ADPGK: variants seen among roughly 807,000 people sequenced by gnomAD.
ADPGK encodes the protein ADP dependent glucokinase, also known as ADP-dependent glucokinase.
Under a neutral mutation model 42.4 loss-of-function variants are expected in ADPGK, and 26 were observed. The observed-to-expected ratio is 0.61, with a 90% CI of 0.45 to 0.85. The LOEUF is 0.85. ADPGK is among the 40% of genes least tolerant of loss of function. The pLI, the probability that ADPGK is intolerant of heterozygous loss-of-function variation, is 0.00. For missense variants in ADPGK, 571 were observed against 627.0 expected, an observed-to-expected ratio of 0.91 and a Z score of 0.95; for synonymous variants, 267 against 252.6, an observed-to-expected ratio of 1.06 and a Z score of -0.54.
rs1453502695 is a variant in ADPGK, at chr15:72,783,673, A to G, written c.19T>C (p.Ser7Pro). 1 of 1,502,030 alleles carries G rather than the reference A, an allele frequency of 6.7e-7. No homozygotes were observed. The highest frequency in any genetic ancestry group is 8.8e-7 in the Non-Finnish European group (1 of 1,132,458). 93.0% of individuals were successfully genotyped at this position (1,502,030 alleles called of 1,614,324 possible). ...AGCGCCAGGAAGCCCGCGTACGCGG[A>G]GCCGCGCCACAGCGCCATGGGGACC... MALWRG[S>P]AYAGFLALAV... The change falls in exon 1 of 7, where the codon TCC becomes CCC. Residue 7 changes from serine to proline, a missense_variant. This residue lies in a region of ADPGK where 137 missense variants were observed against 104.2 expected (regional missense o/e 1.31). Transcript: ENST00000456471.
chr15:72,776,638 G>C (rs1447284794), intron 1 of ADPGK, among the ~76,000 whole-genome samples: 2 of 152,112 alleles, frequency 1.3e-5, no homozygotes, highest in African/African-American at 4.8e-5. Context: ...TTTTTAAAAT[G>C]ACATAACTTT....
chr15:72,765,307 C>T (rs1281554636), intron 3 of ADPGK, among the ~76,000 whole-genome samples: 1 of 152,110 alleles, frequency 6.6e-6, no homozygotes, highest in Non-Finnish European at 1.5e-5. Context: ...CACCACCACA[C>T]CTGGCTAGTT....
intron 1 of ADPGK, chr15:72,783,140 A>T (rs1488500495): frequency 9.2e-6 from 9 of 980,922 alleles, no homozygotes; most frequent in Non-Finnish European, 1.1e-5. Flanking sequence ...TTGCAAAACA[A>T]CAGTCGCCAG....
At chr15:72,766,648 G>A (rs142336036) in intron 3 of ADPGK, among the ~76,000 whole-genome samples, 8 of 152,192 alleles carry the variant, frequency 5.3e-5, no homozygotes, top group Non-Finnish European at 1.0e-4. Context: ...AAATTCATGC[G>A]TTTTATTTTA....
At chr15:72,773,733 T>C (rs2066355753) in intron 2 of ADPGK, among the ~76,000 whole-genome samples, 1 of 152,248 alleles carries the variant, frequency 6.6e-6, no homozygotes, top group Non-Finnish European at 1.5e-5. Flanking sequence ...TCATAAGAGA[T>C]AAGAATCTCA....
intron 1 of ADPGK, among the ~76,000 whole-genome samples, chr15:72,781,301 C>T (rs749039473): frequency 7.2e-5 from 11 of 152,116 alleles, no homozygotes; most frequent in Non-Finnish European, 1.6e-4. Context: ...TATGGCTTCC[C>T]CATAAAAGGC....
intron 4 of ADPGK, among the ~76,000 whole-genome samples, chr15:72,759,361 A>G (rs1364707354): frequency 6.6e-6 from 1 of 152,252 alleles, no homozygotes; most frequent in Non-Finnish European, 1.5e-5. Flanking sequence ...ACTAAAGCTG[A>G]GAAACTCAAA....
At chr15:72,760,596 C>T in intron 3 of ADPGK, 69 bp from the exon 4 acceptor site, 2 of 1,480,176 alleles carry the variant, frequency 1.4e-6, no homozygotes, top group Non-Finnish European at 1.8e-6. Flanking sequence ...AACAGCACCC[C>T]AGGACAGTAC....
chr15:72,758,917 G>A (rs1423082988), intron 4 of ADPGK, among the ~76,000 whole-genome samples: 2 of 152,166 alleles, frequency 1.3e-5, no homozygotes, highest in Admixed American at 1.3e-4. Flanking sequence ...CCAGTCCACA[G>A]TCAGGTCATT....
At chr15:72,768,794 A>T (rs1566957001) in intron 3 of ADPGK, among the ~76,000 whole-genome samples, 1 of 152,074 alleles carries the variant, frequency 6.6e-6, no homozygotes, top group Non-Finnish European at 1.5e-5. Context: ...ACATGGTGAA[A>T]CCTCAAGTCT....
At chr15:72,770,318 A>G (rs1420992854) in intron 3 of ADPGK, among the ~76,000 whole-genome samples, 1 of 152,212 alleles carries the variant, frequency 6.6e-6, no homozygotes, top group Non-Finnish European at 1.5e-5. Context: ...TTCCAATCAG[A>G]CTGGTCCCAG....
chr15:72,763,768 C>T (rs2066224535), intron 3 of ADPGK, among the ~76,000 whole-genome samples: 1 of 152,170 alleles, frequency 6.6e-6, no homozygotes. Context: ...TTTGTGGCAA[C>T]CCTGTGGTCC....
At chr15:72,780,379 G>C (rs951761220) in intron 1 of ADPGK, among the ~76,000 whole-genome samples, 10 of 152,130 alleles carry the variant, frequency 6.6e-5, no homozygotes, top group Non-Finnish European at 1.5e-5. Flanking sequence ...AACAGAATGG[G>C]GGAACCGCCC....
chr15:72,768,278 C>T (rs1464133543), intron 3 of ADPGK, among the ~76,000 whole-genome samples: 1 of 151,724 alleles, frequency 6.6e-6, no homozygotes, highest in Non-Finnish European at 1.5e-5. Flanking sequence ...TAAAATCTTC[C>T]TACAGAGAAA....
intron 3 of ADPGK, among the ~76,000 whole-genome samples, chr15:72,760,977 T>C (rs76132853): frequency 0.034 from 5,097 of 152,090 alleles, 264 homozygotes; most frequent in African/African-American, 0.12. Flanking sequence ...GGTGGCCTTA[T>C]AAGAAAAGAG....
intron 1 of ADPGK, 184 bp downstream of exon 1, chr15:72,783,275 C>G: frequency 8.0e-7 from 1 of 1,251,486 alleles, no homozygotes; most frequent in South Asian, 3.3e-5. Flanking sequence ...AGAGGCCAGC[C>G]GAGTGGAAAG....
At chr15:72,753,595 T>G (rs1474547501) in intron 6 of ADPGK, among the ~76,000 whole-genome samples, 1 of 152,238 alleles carries the variant, frequency 6.6e-6, no homozygotes, top group Non-Finnish European at 1.5e-5. Flanking sequence ...TCCTTGTATG[T>G]ATGTGTGCAT....
chr15:72,762,240 A>AG (rs1315059673), intron 3 of ADPGK, among the ~76,000 whole-genome samples: 2 of 151,832 alleles, frequency 1.3e-5, no homozygotes, highest in Non-Finnish European at 2.9e-5. Context: ...CGAACTCCTG[A>AG]GCTCAAGAGA....
At chr15:72,752,947 A>G (rs2066066925) in intron 6 of ADPGK, 52 bp from the exon 7 acceptor site, 3 of 1,526,056 alleles carry the variant, frequency 2.0e-6, no homozygotes, top group Non-Finnish European at 2.6e-6. Flanking sequence ...CTGGCTCCTA[A>G]GATGTCTTAT....
Sources: allele counts gnomAD v4.1 joint callset (sites outside exome capture counted in the v4.1 genomes callset), GRCh38; gene constraint gnomAD v4.1.1; regional missense constraint gnomAD v4.1.1; transcripts MANE v1.5; gene names NCBI Gene and HGNC (gene_info 2026-07-23, HGNC 2026-07-21).